Variants in EPHA5 observed in about 807,000 individuals in gnomAD.
EPHA5 encodes ephrin type-A receptor 5.
EPHA5 carries 60 observed loss-of-function variants against 105.0 expected under a neutral mutation model. That is an observed-to-expected ratio of 0.57 (90% CI 0.46 to 0.71). The LOEUF (loss-of-function observed/expected upper bound fraction) is 0.71. Among genes scored for constraint, EPHA5 ranks in the 30% least tolerant of loss-of-function variants. The pLI is 0.00. For missense variants in EPHA5, 1,218 were observed against 1,274.7 expected, an observed-to-expected ratio of 0.96 and a Z score of 0.68; for synonymous variants, 513 against 449.1, an observed-to-expected ratio of 1.14 and a Z score of -1.80.
At chr4:65,634,519 T>A (rs1746937672) in intron 2 of EPHA5, among the ~76,000 whole-genome samples, 1 of 152,128 alleles carries the variant, frequency 6.6e-6, no homozygotes, top group Admixed American at 6.6e-5. Flanking sequence ...TACTTCAGTG[T>A]ATGCTTAATG....
intron 3 of EPHA5, among the ~76,000 whole-genome samples, chr4:65,523,755 T>C (rs1335690994): frequency 1.3e-5 from 2 of 151,938 alleles, no homozygotes; most frequent in Non-Finnish European, 2.9e-5. Context: ...TTTTAGTTGC[T>C]TCTAGCATCT....
At chr4:65,363,821 A>AATACAGCC (rs1717576909) in intron 11 of EPHA5, among the ~76,000 whole-genome samples, 1 of 151,580 alleles carries the variant, frequency 6.6e-6, no homozygotes, top group Non-Finnish European at 1.5e-5. Flanking sequence ...CCTCAGATAG[A>AATACAGCC]ATACAGCCAC....
intron 5 of EPHA5, among the ~76,000 whole-genome samples, chr4:65,483,952 G>A (rs1730631345): frequency 6.6e-6 from 1 of 152,100 alleles, no homozygotes; most frequent in Admixed American, 6.6e-5. Flanking sequence ...AAAGGCTGGT[G>A]CTTATGAAAA....
intron 16 of EPHA5, among the ~76,000 whole-genome samples, chr4:65,324,916 T>A (rs1349452): frequency 0.97 from 146,638 of 151,094 alleles, 71,334 homozygotes; most frequent in East Asian, 1. Context: ...TCAAAATAAA[T>A]TTACAAATAT....
At chr4:65,571,802 T>C (rs1028085874) in intron 3 of EPHA5, among the ~76,000 whole-genome samples, 1 of 152,090 alleles carries the variant, frequency 6.6e-6, no homozygotes, top group Non-Finnish European at 1.5e-5. Flanking sequence ...TTCTTATTCT[T>C]ACAGTTGCAT....
chr4:65,509,211 C>T (rs2149256946), intron 3 of EPHA5, among the ~76,000 whole-genome samples: 1 of 152,154 alleles, frequency 6.6e-6, no homozygotes, highest in African/African-American at 2.4e-5. Flanking sequence ...AATTCACGCT[C>T]AAAATAACTT....
At chr4:65,386,879 C>A (rs910174676) in intron 8 of EPHA5, among the ~76,000 whole-genome samples, 12 of 151,562 alleles carry the variant, frequency 7.9e-5, no homozygotes, top group East Asian at 3.9e-4. Flanking sequence ...GAAATGCCTA[C>A]CTAAATAAAA....
At position 65,366,780 on chromosome 4, in the gene EPHA5, T is replaced by C. The variant is rs982676404; in HGVS notation, c.1861+577A>G. On this transcript the variant is annotated intron_variant, in intron 9 of 16. Coordinates refer to ENST00000613740, the MANE Select transcript of EPHA5 (RefSeq NM_001281766.3). ...ATTTGTCACTCACTTGGCAAATCAA[T>C]TCACATTGCACCATTTAAGGAAAAA... Among the ~76,000 whole-genome samples, 93 of 151,960 alleles carry C rather than the reference T, an allele frequency of 6.1e-4. 1 individual carries two copies. The highest frequency in any genetic ancestry group is 7.5e-4 in the Non-Finnish European group (51 of 67,926).
chr4:65,427,148 A>G (rs1213280501), intron 5 of EPHA5, among the ~76,000 whole-genome samples: 6 of 151,384 alleles, frequency 4.0e-5, no homozygotes, highest in African/African-American at 1.5e-4. Flanking sequence ...AATTATATGT[A>G]TAAGTATGTT....
intron 5 of EPHA5, among the ~76,000 whole-genome samples, chr4:65,454,355 GAAGA>G (rs1244644939): frequency 1.3e-5 from 2 of 152,038 alleles, no homozygotes; most frequent in African/African-American, 4.8e-5. Context: ...AGCAAATATG[GAAGA>G]AAGGTAATTT....
At chr4:65,436,853 C>T (rs1344425065) in intron 5 of EPHA5, among the ~76,000 whole-genome samples, 1 of 151,952 alleles carries the variant, frequency 6.6e-6, no homozygotes, top group African/African-American at 2.4e-5. Context: ...GTCTTTTTCC[C>T]CCCTTTATTT....
intron 1 of EPHA5, among the ~76,000 whole-genome samples, chr4:65,650,048 C>T (rs1365796481): frequency 6.6e-6 from 1 of 152,126 alleles, no homozygotes; most frequent in Non-Finnish European, 1.5e-5. Flanking sequence ...CAAATAATCA[C>T]ATAAATCCAT....
rs557945725 is a variant in EPHA5 at position 65,480,553 on chromosome 4, G to A, written c.1402+9824C>T. On this transcript the variant is annotated intron_variant, in intron 5 of 16. Coordinates refer to ENST00000613740, the MANE Select transcript of EPHA5 (RefSeq NM_001281766.3). The stretch of plus-strand genomic sequence containing the variant: ...AAGTGAAGGAAAAAAACATGAAGAT[G>A]TTGCTGGTAGAAATACTGATGATTT... 2.0e-5 allele frequency among the ~76,000 whole-genome samples: 3 copies of A among 152,254 alleles called. No homozygotes were observed. In the East Asian group the frequency reaches 5.8e-4, roughly 29 times the overall value.
chr4:65,494,891 A>G (rs1267267279), intron 4 of EPHA5, among the ~76,000 whole-genome samples: 2 of 152,150 alleles, frequency 1.3e-5, no homozygotes, highest in Non-Finnish European at 2.9e-5. Context: ...GGGGCAGTTT[A>G]GAACAAGATG....
intron 8 of EPHA5, among the ~76,000 whole-genome samples, chr4:65,371,182 G>A (rs1282961081): frequency 6.6e-6 from 1 of 151,876 alleles, no homozygotes. Flanking sequence ...AAAAACATCT[G>A]TAGTGTCTGT....
chr4:65,573,870 G>T, intron 3 of EPHA5: 1 of 1,612,546 alleles, frequency 6.2e-7, no homozygotes, highest in Non-Finnish European at 8.5e-7. Flanking sequence ...CAGTCAGCAC[G>T]TGAGAAAACT....
chr4:65,602,918 T>G (rs1743879347), intron 2 of EPHA5, among the ~76,000 whole-genome samples: 1 of 152,154 alleles, frequency 6.6e-6, no homozygotes, highest in African/African-American at 2.4e-5. Flanking sequence ...TTCAGGACTC[T>G]CACAAATTGG....
At chr4:65,362,165 G>A (rs148842668) in intron 11 of EPHA5, among the ~76,000 whole-genome samples, 1 of 151,488 alleles carries the variant, frequency 6.6e-6, no homozygotes, top group Admixed American at 6.6e-5. Context: ...TTGAATGGGG[G>A]CTCAAGCTTC....
chr4:65,601,678 G>T lies in EPHA5; in HGVS notation c.873C>A (p.Cys291Ter), dbSNP rs770270266. 1 of 1,614,068 alleles carries T rather than the reference G, an allele frequency of 6.2e-7. No individual in the cohort carries two copies. Among genetic ancestry groups the T allele is most frequent in the Non-Finnish European group, 8.5e-7 (1 of 1,179,996 alleles). The change falls in exon 3 of 17, where the codon TGC becomes TGA. Residue 291 changes from cysteine to a stop codon, truncating the protein, a stop_gained. Transcript: ENST00000613740. LOFTEE classifies it high-confidence loss of function. Reference sequence around the variant, plus strand: ...CATTTTTCTCTTCATATCCTGCCTTGCACATGCATTTCCCGATGGGCACCA... The same window carrying T: ...CATTTTTCTCTTCATATCCTGCCTTTCACATGCATTTCCCGATGGGCACCA... Reference protein sequence around the residue: ...EWLVPIGKCMCKAGYEEKNGT... With the variant: ...EWLVPIGKCM
Sources: allele counts gnomAD v4.1 joint callset (sites outside exome capture counted in the v4.1 genomes callset), GRCh38; gene constraint gnomAD v4.1.1; transcripts MANE v1.5; gene names NCBI Gene and HGNC (gene_info 2026-07-23, HGNC 2026-07-21).